Variants in OR1I1 observed in about 807,000 individuals in gnomAD.
OR1I1 encodes olfactory receptor 1I1.
For missense variants in OR1I1, 451 were observed against 443.6 expected, an observed-to-expected ratio of 1.02 and a Z score of -0.15; for synonymous variants, 171 against 181.4, an observed-to-expected ratio of 0.94 and a Z score of 0.46.
At position 15,087,763 on chromosome 19, in the gene OR1I1, G is replaced by A. The variant is rs1035287202; in HGVS notation, c.698G>A (p.Gly233Asp). 6 of 1,614,180 alleles carry A rather than the reference G, an allele frequency of 3.7e-6. No individual in the cohort carries two copies. The highest frequency in any genetic ancestry group is 1.1e-5 in the South Asian group (1 of 91,086). The change falls in exon 2 of 2, where the codon GGC (glycine) becomes GAC (aspartate). Residue 233 changes from glycine to aspartate, a missense_variant. Transcript: ENST00000641398. ...GTCTTTAAGATCCCTTCTACTCGGG[G>A]CAAGTGGAAAGCCTTCTCCACCTGT... ...WTVFKIPSTRGKWKAFSTCGL... is the reference protein window; with the variant it reads ...WTVFKIPSTRDKWKAFSTCGL...
In OR1I1 at chr19:15,088,014, C is replaced by T. The variant is rs781693202; in HGVS notation, c.949C>T (p.Gln317Ter). 1.9e-6 allele frequency: 3 copies of T among 1,613,940 alleles called. No individual in the cohort carries two copies. The highest frequency in any genetic ancestry group is 2.2e-5 in the South Asian group (2 of 91,064). ...KVAVPCPRPE[Q>*]LLDVYHVPGS... ...GGCCGTCCCCTGTCCTAGGCCAGAA[C>T]AGTTATTGGATGTTTATCATGTTCC... Residue 317 changes from glutamine (Q) to a stop codon, truncating the protein, a stop_gained, in exon 2 of 2, where the codon CAG (glutamine) becomes TAG (stop). Transcript: ENST00000641398. LOFTEE classifies it low-confidence loss of function (END_TRUNC).
chr19:15,085,176 A>ATGTT (rs1555717400), intron 1 of OR1I1, among the ~76,000 whole-genome samples: 3 of 80,128 alleles, frequency 3.7e-5, no homozygotes, highest in East Asian at 4.8e-4. Context: ...ATATATATAT[A>ATGTT]TTTTTTTTTT....
rs551720339 is a variant in OR1I1, at chr19:15,088,185, A to G, written c.*52A>G. The G allele has an allele frequency of 3.6e-5, 53 of 1,487,358 alleles. 2 individuals are homozygous for G. The South Asian group carries it at 6.4e-4, about 18-fold the overall frequency. The allele number at this position is 1,487,358 out of a possible 1,614,324, so 92.1% of individuals were successfully genotyped here. On this transcript the variant is annotated 3_prime_UTR_variant, in exon 2 of 2. Transcript: ENST00000641398. Reference sequence around the variant, plus strand: ...TGTCATAAAGAGATGAACAAAGTGTATGAGCACCCAAAGGAAAGGTGTGCA... The same window carrying G: ...TGTCATAAAGAGATGAACAAAGTGTGTGAGCACCCAAAGGAAAGGTGTGCA...
chr19:15,084,670 C>G (rs547147104), intron 1 of OR1I1, among the ~76,000 whole-genome samples: 3 of 152,028 alleles, frequency 2.0e-5, no homozygotes, highest in African/African-American at 7.3e-5. Flanking sequence ...CTATGGCACA[C>G]GTTTACCTAT....
At chr19:15,084,023 T>G (rs1242567060) in intron 1 of OR1I1, among the ~76,000 whole-genome samples, 1 of 152,084 alleles carries the variant, frequency 6.6e-6, no homozygotes, top group Non-Finnish European at 1.5e-5. Flanking sequence ...TAATTGAATA[T>G]TTTTCCCTTG....
rs1423762510 is a variant in OR1I1, at chr19:15,087,850, C to A, written c.785C>A (p.Pro262His). 1.9e-6 allele frequency: 3 copies of A among 1,614,060 alleles called. No homozygotes were observed. The highest frequency in any genetic ancestry group is 4.5e-5 in the East Asian group (2 of 44,898). Residue 262 changes from proline to histidine, a missense_variant, in exon 2 of 2, where the codon CCC (proline) becomes CAC (histidine). By Grantham distance (77) the Pro-to-His change is moderately conservative (BLOSUM62 -2). Transcript: ENST00000641398. ...YGTIFAVYLQ[P>H]TSPSSSQKDK... ...ACCATCTTTGCTGTGTACTTACAGCCCACATCCCCCAGCTCCTCCCAGAAG... is the reference window on the plus strand; with the variant it reads ...ACCATCTTTGCTGTGTACTTACAGCACACATCCCCCAGCTCCTCCCAGAAG...
chr19:15,086,067 C>A (rs2046228993), intron 1 of OR1I1, among the ~76,000 whole-genome samples: 1 of 152,130 alleles, frequency 6.6e-6, no homozygotes, highest in Non-Finnish European at 1.5e-5. Flanking sequence ...GTAATCCCAG[C>A]ACCTTGGGAG....
chr19:15,084,463 C>T (rs2145301500), intron 1 of OR1I1, among the ~76,000 whole-genome samples: 1 of 152,214 alleles, frequency 6.6e-6, no homozygotes, highest in South Asian at 2.1e-4. Flanking sequence ...GAGGCTGAGG[C>T]AGGAGAATCT....
chr19:15,092,134 T>TTTTTTTTTTTTTTTTTTTTTTTTTCC lies in OR1I1; in HGVS notation c.*4001_*4002insTTTTTTTTTTTTTTTTTTTTTTTTCC, dbSNP rs1555718125. ...TTGGTTTTTGGTTGTTTTTTTTTTT[T>TTTTTTTTTTTTTTTTTTTTTTTTTCC]CCCCGGAAACTTGTATTCTAGCTGT... On this transcript the variant is annotated 3_prime_UTR_variant, in exon 2 of 2. Transcript: ENST00000641398. 7.9e-6 allele frequency: 1 copy of TTTTTTTTTTTTTTTTTTTTTTTTTCC among 126,022 alleles called. No homozygotes were observed. Among genetic ancestry groups the TTTTTTTTTTTTTTTTTTTTTTTTTCC allele is most frequent in the Non-Finnish European group, 1.6e-5 (1 of 62,326 alleles). 7.8% of individuals were successfully genotyped at this position (126,022 alleles called of 1,614,324 possible).
chr19:15,088,023 G>A lies in OR1I1; in HGVS notation c.958G>A (p.Asp320Asn). ...VPCPRPEQLL[D>N]VYHVPGSLLA... ...CTGTCCTAGGCCAGAACAGTTATTG[G>A]ATGTTTATCATGTTCCAGGATCACT... Residue 320 changes from aspartate (D) to asparagine (N), a missense_variant, in exon 2 of 2, where the codon GAT becomes AAT. By Grantham distance (23) the Asp-to-Asn change is conservative (BLOSUM62 1). Transcript: ENST00000641398. 2 of 1,613,762 alleles carry A rather than the reference G, an allele frequency of 1.2e-6. No homozygotes were observed. The highest frequency in any genetic ancestry group is 1.1e-5 in the South Asian group (1 of 91,030).
Position 15,087,733 on chromosome 19 carries a change from G to A in OR1I1, c.668G>A (p.Trp223Ter). ...CILLSYIRIF[W>*]TVFKIPSTRG... ...CTTCTCTCGTACATCCGCATTTTCT[G>A]GACAGTCTTTAAGATCCCTTCTACT... Residue 223 changes from tryptophan to a stop codon, truncating the protein, a stop_gained, in exon 2 of 2, where the codon TGG (tryptophan) becomes TAG (stop). Transcript: ENST00000641398. LOFTEE classifies it low-confidence loss of function (END_TRUNC). 1.9e-6 allele frequency: 3 copies of A among 1,614,156 alleles called. No homozygotes were observed. The highest frequency in any genetic ancestry group is 2.5e-6 in the Non-Finnish European group (3 of 1,180,034).
intron 1 of OR1I1, chr19:15,086,847 C>A: frequency 1.5e-6 from 1 of 688,888 alleles, no homozygotes; most frequent in Non-Finnish European, 2.3e-6. Flanking sequence ...TCCTTGAGAC[C>A]CTGACTGTCT....
At chr19:15,086,008 G>A (rs34857561) in intron 1 of OR1I1, among the ~76,000 whole-genome samples, 70,316 of 151,930 alleles carry the variant, frequency 0.46, 18,078 homozygotes, top group Non-Finnish European at 0.58. Flanking sequence ...GAGGGTTGAG[G>A]GGGGAGGAAA....
chr19:15,088,984 A>ATAGATAGATAGATGT lies in OR1I1; in HGVS notation c.*851_*852insTAGATAGATAGATGT. The ATAGATAGATAGATGT allele has an allele frequency of 4.2e-5, 1 of 23,758 alleles. No homozygotes were observed. The highest frequency in any genetic ancestry group is 1.1e-4 in the African/African-American group (1 of 9,348). The allele number at this position is 23,758 out of a possible 1,614,324, so 1.5% of individuals were successfully genotyped here. A position where few individuals can be genotyped will look rare whatever the true frequency, so the allele number is the denominator to read the frequency against. On this transcript the variant is annotated 3_prime_UTR_variant, in exon 2 of 2. Coordinates refer to ENST00000641398, the MANE Select transcript of OR1I1 (RefSeq NM_001004713.2). ...AGATAGATAGATAGATAGATAGATG[A>ATAGATAGATAGATGT]GATAGGTAGGTAGGTCAGTCGATCG...
rs2046257994 is a variant in OR1I1 at position 15,091,865 on chromosome 19, TA to T, written c.*3736del. On this transcript the variant is annotated 3_prime_UTR_variant, in exon 2 of 2. Transcript: ENST00000641398. ...AAAAAAAAAAAAAAAGTTTGTAATT[TA>T]AAAGTTTGAGCATCACTGGGCTAGA... 6.8e-6 allele frequency: 1 copy of T among 146,226 alleles called. No individual in the cohort carries two copies. The highest frequency in any genetic ancestry group is 6.8e-5 in the Admixed American group (1 of 14,628). 9.1% of individuals were successfully genotyped at this position (146,226 alleles called of 1,614,324 possible). A position where few individuals can be genotyped will look rare whatever the true frequency, so the allele number is the denominator to read the frequency against.
Position 15,088,351 on chromosome 19 carries a change from C to T in OR1I1, c.*218C>T. 1.9e-6 allele frequency: 1 copy of T among 532,494 alleles called. No individual in the cohort carries two copies. The allele number at this position is 532,494 out of a possible 1,614,324, so 33.0% of individuals were successfully genotyped here. ...TGAAAACAAGAGACGTAGCTACACT[C>T]ATTTTAGTATTGACAAAGGCCAGGT... is the stretch of plus-strand genomic sequence containing the variant. On this transcript the variant is annotated 3_prime_UTR_variant, in exon 2 of 2. Transcript: ENST00000641398.
In OR1I1 at chr19:15,088,256, A is replaced by T; in HGVS notation, c.*123A>T. 7.9e-7 allele frequency: 1 copy of T among 1,257,976 alleles called. No individual in the cohort carries two copies. The highest frequency in any genetic ancestry group is 1.1e-6 in the Non-Finnish European group (1 of 936,468). 77.9% of individuals were successfully genotyped at this position (1,257,976 alleles called of 1,614,324 possible). On this transcript the variant is annotated 3_prime_UTR_variant, in exon 2 of 2. Transcript: ENST00000641398. ...CCCCAAAAAGATCAGAATAGCAAGG[A>T]TCAAACTGGCCTGAAATTAGCCCTC...
In OR1I1 at chr19:15,088,876, C is replaced by A. The variant is rs1297701250; in HGVS notation, c.*743C>A. 6.7e-6 allele frequency: 1 copy of A among 149,550 alleles called. No individual in the cohort carries two copies. The highest frequency in any genetic ancestry group is 1.5e-5 in the Non-Finnish European group (1 of 67,502). The allele number at this position is 149,550 out of a possible 1,614,324, so 9.3% of individuals were successfully genotyped here. ...TAGATAGGTAGGTAGGTAGGTAGGTCAACCGATCGATAGATCTATCTATTG... is the reference window on the plus strand; with the variant it reads ...TAGATAGGTAGGTAGGTAGGTAGGTAAACCGATCGATAGATCTATCTATTG... On this transcript the variant is annotated 3_prime_UTR_variant, in exon 2 of 2. Transcript: ENST00000641398.
chr19:15,088,182 T>C lies in OR1I1; in HGVS notation c.*49T>C. ...ATGTGTCATAAAGAGATGAACAAAGTGTATGAGCACCCAAAGGAAAGGTGT... is the reference window on the plus strand; with the variant it reads ...ATGTGTCATAAAGAGATGAACAAAGCGTATGAGCACCCAAAGGAAAGGTGT... On this transcript the variant is annotated 3_prime_UTR_variant, in exon 2 of 2. Coordinates refer to ENST00000641398, the MANE Select transcript of OR1I1 (RefSeq NM_001004713.2). 6.7e-7 allele frequency: 1 copy of C among 1,491,876 alleles called. No homozygotes were observed. 92.4% of individuals were successfully genotyped at this position (1,491,876 alleles called of 1,614,324 possible).
Sources: gnomAD v4.1 joint callset for allele counts (sites outside exome capture counted in the v4.1 genomes callset) on GRCh38, gnomAD v4.1.1 for gene constraint, MANE v1.5 for transcripts, NCBI Gene and HGNC (gene_info 2026-07-23, HGNC 2026-07-21) for gene names.